The following PRKN variants were observed in gnomAD, a reference collection of about 807,000 sequenced individuals.
PRKN encodes parkin RBR E3 ubiquitin protein ligase, also known as E3 ubiquitin-protein ligase parkin.
A neutral mutation model predicts 59.5 loss-of-function variants in PRKN; 56 were observed. The ratio of observed to expected loss-of-function variants is 0.94; its 90% CI spans 0.76 to 1.18. PRKN has a LOEUF of 1.18. Among genes scored for constraint, PRKN ranks in the 50% most tolerant of loss-of-function variants. The pLI, the probability that PRKN is intolerant of heterozygous loss-of-function variation, is 0.00. For missense variants in PRKN, 657 were observed against 596.4 expected (o/e 1.10, Z -1.06); for synonymous variants, 250 against 222.1 (o/e 1.13, Z -1.12).
chr6:162,589,734 A>G (rs1335594601), intron 1 of PRKN, among the ~76,000 whole-genome samples: 6 of 152,188 alleles, frequency 3.9e-5, no homozygotes, highest in Non-Finnish European at 8.8e-5. Flanking sequence ...TTGCATTTGT[A>G]TTCTCAATAC....
intron 8 of PRKN, among the ~76,000 whole-genome samples, chr6:161,558,184 G>A (rs910025866): frequency 1.3e-5 from 2 of 152,108 alleles, no homozygotes; most frequent in Non-Finnish European, 2.9e-5. Context: ...AGAACCCACA[G>A]TGCTGCATTA....
At chr6:161,517,235 C>T (rs958776711) in intron 9 of PRKN, among the ~76,000 whole-genome samples, 9 of 152,088 alleles carry the variant, frequency 5.9e-5, no homozygotes, top group Admixed American at 5.9e-4. Flanking sequence ...GGCAGGGTTC[C>T]GTGTGACTGA....
chr6:162,677,888 A>T (rs1779614952), intron 1 of PRKN, among the ~76,000 whole-genome samples: 1 of 152,134 alleles, frequency 6.6e-6, no homozygotes, highest in South Asian at 2.1e-4. Context: ...ATACCCATAA[A>T]ACCATTACAA....
In PRKN at chr6:161,622,943, C is replaced by T. The variant is rs1418999707; in HGVS notation, c.872-53527G>A. On this transcript the variant is annotated intron_variant, in intron 7 of 11. Transcript: ENST00000366898. Reference sequence around the variant, plus strand: ...ATCATCTGCTCTTGTGGCTCATCTGCGTTGCTCACTTGTCTTGGCAAAAGC... The same window carrying T: ...ATCATCTGCTCTTGTGGCTCATCTGTGTTGCTCACTTGTCTTGGCAAAAGC... 3.9e-5 allele frequency among the ~76,000 whole-genome samples: 6 copies of T among 152,304 alleles called. No individual in the cohort carries two copies. The East Asian group carries it at 7.7e-4, about 20-fold the overall frequency.
chr6:162,569,548 C>T, intron 1 of PRKN: 1 of 717,036 alleles, frequency 1.4e-6, no homozygotes. Context: ...ATGGTCTGAG[C>T]TTGGCCTATG....
chr6:161,630,382 G>A (rs935210261), intron 7 of PRKN, among the ~76,000 whole-genome samples: 15 of 152,204 alleles, frequency 9.9e-5, no homozygotes, highest in African/African-American at 3.6e-4. Flanking sequence ...GCACTTGGGT[G>A]ACACACACGG....
chr6:162,552,856 C>T (rs183905929), intron 1 of PRKN, among the ~76,000 whole-genome samples: 148 of 152,182 alleles, frequency 9.7e-4, no homozygotes, highest in East Asian at 9.7e-3. Context: ...AGGCTCAAAA[C>T]GCTAAGCAGA....
chr6:162,098,723 C>T (rs915356074), intron 4 of PRKN, among the ~76,000 whole-genome samples: 4 of 152,166 alleles, frequency 2.6e-5, no homozygotes, highest in African/African-American at 4.8e-5. Flanking sequence ...AAGTCAGATT[C>T]GGAGTGATTG....
chr6:162,246,327 C>T lies in PRKN; in HGVS notation c.412+16198G>A, dbSNP rs972476891. ...ACCCCGTGAGAGGAAACGGAGAAGA[C>T]GGCCATCTGTACACCAAAGAGACAT... On this transcript the variant is annotated intron_variant, in intron 3 of 11. Transcript: ENST00000366898. Among the ~76,000 whole-genome samples the T allele has an allele frequency of 1.6e-4, 25 of 152,182 alleles. 2 individuals are homozygous for T. Among genetic ancestry groups the T allele is most frequent in the African/African-American group, 4.1e-4 (17 of 41,544 alleles).
Position 161,458,889 on chromosome 6 carries a change from A to G in PRKN, c.1084-72012T>C, listed in dbSNP as rs769727149. On this transcript the variant is annotated intron_variant, in intron 9 of 11. Coordinates refer to ENST00000366898, the MANE Select transcript of PRKN (RefSeq NM_004562.3). This position sits in a 1 kb window ranked among gnomAD's most constrained non-coding sequence, Gnocchi z 6.1. ...TGCTAGTATCCTTGGTCTAAACCTT[A>G]TAATTACCAGAAGCCATTTTCATGT... Among the ~76,000 whole-genome samples the G allele has an allele frequency of 5.9e-5, 9 of 151,406 alleles. No individual in the cohort carries two copies. Among genetic ancestry groups the G allele is most frequent in the Non-Finnish European group, 1.2e-4 (8 of 67,986 alleles).
intron 1 of PRKN, among the ~76,000 whole-genome samples, chr6:162,648,211 C>A (rs1009444762): frequency 1.3e-5 from 2 of 152,032 alleles, no homozygotes; most frequent in Non-Finnish European, 2.9e-5. Flanking sequence ...CAGCAAGCTT[C>A]AAAATGCTCT....
Position 161,995,511 on chromosome 6 carries a change from A to G in PRKN, c.619-22094T>C, listed in dbSNP as rs149329817. Among the ~76,000 whole-genome samples the G allele has an allele frequency of 3.4e-3, 518 of 152,298 alleles. 4 individuals carry two copies. Among genetic ancestry groups the G allele is most frequent in the African/African-American group, 0.012 (487 of 41,584 alleles). Reference sequence around the variant, plus strand: ...AAAATATCTCCAAACTATTCATTCAACAAGGGACTAATACCCAGAATACAC... The same window carrying G: ...AAAATATCTCCAAACTATTCATTCAGCAAGGGACTAATACCCAGAATACAC... On this transcript the variant is annotated intron_variant, in intron 5 of 11. Coordinates refer to ENST00000366898, the MANE Select transcript of PRKN (RefSeq NM_004562.3).
intron 1 of PRKN, among the ~76,000 whole-genome samples, chr6:162,458,907 G>A (rs1287867681): frequency 6.6e-6 from 1 of 152,062 alleles, no homozygotes; most frequent in Non-Finnish European, 1.5e-5. Context: ...TGCAACCTCT[G>A]CCTCCCAGGC....
chr6:162,324,710 A>T (rs1008603906), intron 2 of PRKN, among the ~76,000 whole-genome samples: 2 of 152,138 alleles, frequency 1.3e-5, no homozygotes, highest in Non-Finnish European at 2.9e-5. Flanking sequence ...TATACAATTA[A>T]AATGGCCTCT....
chr6:162,037,150 A>G (rs1783879608), intron 5 of PRKN, among the ~76,000 whole-genome samples: 2 of 152,114 alleles, frequency 1.3e-5, no homozygotes, highest in Admixed American at 6.6e-5. Flanking sequence ...TTGCAACTCT[A>G]CTCCCAAAAT....
chr6:161,500,366 A>G (rs1207142380), intron 9 of PRKN, among the ~76,000 whole-genome samples: 1 of 152,186 alleles, frequency 6.6e-6, no homozygotes, highest in African/African-American at 2.4e-5. Flanking sequence ...TGTACTTCCT[A>G]TGGGTTTGGA....
In PRKN at chr6:161,371,113, A is replaced by G. The variant is rs907017110; in HGVS notation, c.1168-10908T>C. 9.2e-5 allele frequency among the ~76,000 whole-genome samples: 14 copies of G among 152,156 alleles called. No individual in the cohort carries two copies. Among genetic ancestry groups the G allele is most frequent in the Admixed American group, 9.2e-4 (14 of 15,276 alleles). ...TGTTTTGTTGTTCTCACATTGTCTTATGACTATCTCTTTTTGGAGAATATG... is the reference window on the plus strand; with the variant it reads ...TGTTTTGTTGTTCTCACATTGTCTTGTGACTATCTCTTTTTGGAGAATATG... On this transcript the variant is annotated intron_variant, in intron 10 of 11. Coordinates refer to ENST00000366898, the MANE Select transcript of PRKN (RefSeq NM_004562.3). This position sits in a 1 kb window ranked among gnomAD's most constrained non-coding sequence, Gnocchi z 5.5.
chr6:162,543,323 G>A (rs746305670), intron 1 of PRKN, among the ~76,000 whole-genome samples: 5 of 151,952 alleles, frequency 3.3e-5, no homozygotes, highest in African/African-American at 7.3e-5. Flanking sequence ...TAATCTTAGC[G>A]CCTTGGCCCA....
intron 6 of PRKN, among the ~76,000 whole-genome samples, chr6:161,856,978 A>ACAGTGGCTTATGCCTGTAATCC (rs141779675): frequency 6.6e-6 from 1 of 151,518 alleles, no homozygotes; most frequent in Non-Finnish European, 1.5e-5. Context: ...TAGTCCTGGC[A>ACAGTGGCTTATGCCTGTAATCC]CAGTACTTTG....
Sources: allele counts gnomAD v4.1 joint callset (sites outside exome capture counted in the v4.1 genomes callset), GRCh38; gene constraint gnomAD v4.1.1; non-coding constraint Gnocchi (gnomAD v3.1); transcripts MANE v1.5; gene names NCBI Gene and HGNC (gene_info 2026-07-23, HGNC 2026-07-21).